Variants in NEB observed in about 807,000 individuals in gnomAD.
NEB encodes the protein nemaline myopathy type 2.
In NEB, 512 loss-of-function variants were observed where a neutral mutation model predicts 952.2. The observed-to-expected ratio is 0.54, with a 90% confidence interval of 0.50 to 0.58. The LOEUF (loss-of-function observed/expected upper bound fraction) is 0.58. Ranked by LOEUF, NEB falls within the 20% of genes least tolerant of loss-of-function variation. The pLI, the probability that NEB is intolerant of heterozygous loss-of-function variation, is 0.00. For missense variants in NEB, 8,428 were observed against 9,231.1 expected, an observed-to-expected ratio of 0.91 and a Z score of 3.56; for synonymous variants, 2,900 against 3,149.8, an observed-to-expected ratio of 0.92 and a Z score of 2.66.
chr2:151,545,344 G>A, intron 135 of NEB, among the ~76,000 whole-genome samples: 1 of 152,240 alleles, frequency 6.6e-6, no homozygotes. Context: ...GGAAGGCTGA[G>A]GCGGGCGGAT....
rs1230837586 is a variant in NEB at position 151,568,703 on chromosome 2, G to A, written c.17549C>T (p.Thr5850Ile). 1.9e-6 allele frequency: 3 copies of A among 1,597,102 alleles called. No homozygotes were observed. Among genetic ancestry groups the A allele is most frequent in the South Asian group, 1.1e-5 (1 of 88,084 alleles). ...ADIFSEKKYR[T>I]KIETLNFTPV... ...CGTAAAGTTGAGAGTTTCTATTTTT[G>A]TGCGATATTTTTTCTATGGGAAAGA... Residue 5850 changes from threonine to isoleucine, a missense_variant, in exon 111 of 182, where the codon ACA (threonine) becomes ATA (isoleucine). By Grantham distance (89) the Thr-to-Ile change is moderately conservative (BLOSUM62 -1). Coordinates refer to ENST00000397345, the MANE Select transcript of NEB (RefSeq NM_001164508.2).
At chr2:151,657,683 A>T (rs1010802108) in intron 48 of NEB, among the ~76,000 whole-genome samples, 1 of 152,222 alleles carries the variant, frequency 6.6e-6, no homozygotes, top group Non-Finnish European at 1.5e-5. Context: ...GACTTTCACC[A>T]AGAAAGCTTA....
Position 151,507,987 on chromosome 2 carries a change from C to T in NEB, c.23451+18G>A, listed in dbSNP as rs1404827385. The stretch of plus-strand genomic sequence containing the variant: ...CTAGGTGCCTGTGGGCTGTGCCTTA[C>T]ATTTAATAAAAACTTACAAGGCTGA... On this transcript the variant is annotated intron_variant, in intron 162 of 181. Transcript: ENST00000397345. 6 of 1,570,880 alleles carry T rather than the reference C, an allele frequency of 3.8e-6. No homozygotes were observed. The highest frequency in any genetic ancestry group is 2.7e-5 in the African/African-American group (2 of 74,154).
At chr2:151,497,888 C>G in intron 170 of NEB, 170 bp from the exon 171 acceptor site, 1 of 1,494,112 alleles carries the variant, frequency 6.7e-7, no homozygotes, top group Admixed American at 2.7e-5. Context: ...GGAATCTGCA[C>G]CCTCTAGAGA....
chr2:151,679,882 G>A, intron 31 of NEB, 36 bp downstream of exon 31: 1 of 1,605,146 alleles, frequency 6.2e-7, no homozygotes, highest in South Asian at 1.1e-5. Flanking sequence ...AGTAAAGTCT[G>A]GACATACGCA....
intron 62 of NEB, 127 bp from the exon 63 acceptor site, chr2:151,639,511 T>C (rs2098821067): frequency 1.5e-6 from 1 of 657,170 alleles, no homozygotes; most frequent in African/African-American, 1.8e-5. Context: ...TTATGTGTTT[T>C]ATGCACATCT....
At chr2:151,526,878 T>A (rs778993875) in intron 148 of NEB, 40 bp downstream of exon 148, 2 of 1,371,400 alleles carry the variant, frequency 1.5e-6, no homozygotes, top group Non-Finnish European at 2.0e-6. Context: ...AAGATGGCCC[T>A]GAGTGAGGTT....
At chr2:151,615,463 G>A (rs2098161632) in intron 76 of NEB, among the ~76,000 whole-genome samples, 1 of 152,168 alleles carries the variant, frequency 6.6e-6, no homozygotes, top group Admixed American at 6.6e-5. Flanking sequence ...AAAAAGCTCT[G>A]CTTACTTTGC....
chr2:151,642,267 T>C (rs545913445), intron 60 of NEB, among the ~76,000 whole-genome samples: 17 of 152,336 alleles, frequency 1.1e-4, no homozygotes, highest in African/African-American at 3.6e-4. Flanking sequence ...ATAAGCTCAA[T>C]TGTATATGAG....
intron 9 of NEB, 24 bp from the exon 10 acceptor site, chr2:151,717,544 G>C (rs766671540): frequency 1.9e-6 from 3 of 1,540,228 alleles, no homozygotes; most frequent in Non-Finnish European, 2.7e-6. Flanking sequence ...AGACAGGGAT[G>C]TATTTTAAAA....
intron 71 of NEB, among the ~76,000 whole-genome samples, chr2:151,624,223 T>C (rs1223255665): frequency 6.6e-6 from 1 of 152,110 alleles, no homozygotes; most frequent in East Asian, 1.9e-4. Context: ...TATATTGCAC[T>C]GTGGTGAAGT....
intron 35 of NEB, 140 bp downstream of exon 35, chr2:151,675,147 A>G (rs969081034): frequency 1.4e-6 from 1 of 708,622 alleles, no homozygotes; most frequent in Non-Finnish European, 2.5e-6. Flanking sequence ...GAGGTAAAGA[A>G]CCATCCTTAT....
At chr2:151,524,474 A>G (rs959234704) in intron 152 of NEB, 41 bp downstream of exon 152, 2 of 1,613,066 alleles carry the variant, frequency 1.2e-6, no homozygotes, top group African/African-American at 1.3e-5. Context: ...TGCCTTGGCA[A>G]TGGCTGTTGG....
intron 170 of NEB, chr2:151,497,943 T>TGTTA (rs1441666980): frequency 2.8e-6 from 4 of 1,445,646 alleles, no homozygotes; most frequent in Non-Finnish European, 2.7e-6. Context: ...GAGTTATCCA[T>TGTTA]GTTATTTTTT....
Position 151,526,279 on chromosome 2 carries a change from AGGG to A in NEB, c.21946-20_21946-18del, listed in dbSNP as rs1329706665. ...GTATTTCAGCTTCAGGGGCAGGAAA[AGGG>A]GCATTTCTTTAGCTCTGCTGGATAT... On this transcript the variant is annotated intron_variant, in intron 148 of 181. Coordinates refer to ENST00000397345, the MANE Select transcript of NEB (RefSeq NM_001164508.2). 6.4e-7 allele frequency: 1 copy of A among 1,550,680 alleles called. No homozygotes were observed. Among genetic ancestry groups the A allele is most frequent in the South Asian group, 1.1e-5 (1 of 88,166 alleles).
Position 151,679,597 on chromosome 2 carries a change from GT to G in NEB, c.3255+123del, listed in dbSNP as rs1368062183. 14 of 653,178 alleles carry G rather than the reference GT, an allele frequency of 2.1e-5. No individual in the cohort carries two copies. The African/African-American group carries it at 2.6e-4, about 12-fold the overall frequency. The allele number at this position is 653,178 out of a possible 1,614,324, so 40.5% of individuals were successfully genotyped here. On this transcript the variant is annotated intron_variant, in intron 32 of 181. Coordinates refer to ENST00000397345, the MANE Select transcript of NEB (RefSeq NM_001164508.2). ...TTTAGGGAACTTTATTTCCTAAATA[GT>G]TTTCAATCAGATTTGCTTCCAATTG...
chr2:151,502,637 C>T (rs2065611340), intron 167 of NEB, among the ~76,000 whole-genome samples, 156 bp downstream of exon 167: 1 of 151,876 alleles, frequency 6.6e-6, no homozygotes, highest in African/African-American at 2.4e-5. Flanking sequence ...AATTTCACAC[C>T]AGAACTAAAT....
rs368328716 is a variant in NEB at position 151,610,563 on chromosome 2, C to T, written c.11971G>A (p.Ala3991Thr). 35 of 1,613,696 alleles carry T rather than the reference C, an allele frequency of 2.2e-5. No homozygotes were observed. The African/African-American group carries it at 3.9e-4, about 18-fold the overall frequency. Reference protein sequence around the residue: ...KMKDYDLRADAISIKSAKASR... With the variant: ...KMKDYDLRADTISIKSAKASR... ...GCCTTGGCACTTTTGATGGAAATAG[C>T]ATCTGCTCTCAGATCATAGTCCTTC... Residue 3991 changes from alanine to threonine, a missense_variant, in exon 80 of 182, where the codon GCT becomes ACT. By Grantham distance (58) the Ala-to-Thr change is moderately conservative. This residue lies in a region of NEB where 337 missense variants were observed against 297.5 expected (regional missense o/e 1.13). Transcript: ENST00000397345.
chr2:151,546,878 C>T (rs1225198132), intron 133 of NEB, among the ~76,000 whole-genome samples: 2 of 151,990 alleles, frequency 1.3e-5, no homozygotes, highest in South Asian at 2.1e-4. Flanking sequence ...ACCTTGTACT[C>T]TTAGTTTACT....
Sources: gnomAD v4.1 joint callset for allele counts (sites outside exome capture counted in the v4.1 genomes callset) on GRCh38, gnomAD v4.1.1 for gene constraint, gnomAD v4.1.1 regional missense constraint, MANE v1.5 for transcripts, NCBI Gene and HGNC (gene_info 2026-07-23, HGNC 2026-07-21) for gene names.